Variants in CLHC1 observed in about 807,000 individuals in gnomAD.
The protein encoded by CLHC1 is clathrin heavy chain linker domain containing 1.
A neutral mutation model predicts 69.5 loss-of-function variants in CLHC1; 72 were observed. That is an observed-to-expected ratio of 1.04 (90% confidence interval 0.86 to 1.26). CLHC1 has a LOEUF of 1.26. Among genes scored for constraint, CLHC1 ranks in the 50% most tolerant of loss-of-function variants. CLHC1 has a pLI of 0.00. For synonymous variants in CLHC1, 223 were observed against 224.3 expected, an observed-to-expected ratio of 0.99 and a Z score of 0.05; for missense variants, 790 against 679.3, an observed-to-expected ratio of 1.16 and a Z score of -1.81.
Position 55,175,546 on chromosome 2 carries a change from A to G in CLHC1, c.*244T>C. The stretch of plus-strand genomic sequence containing the variant: ...AGATAAAAATGCCCTACACTGTTTC[A>G]CACAAAGTTATAATCTTGGATTTTA... On this transcript the variant is annotated 3_prime_UTR_variant, in exon 13 of 13. Transcript: ENST00000401408. The G allele has an allele frequency of 4.2e-6, 2 of 471,340 alleles. No individual in the cohort carries two copies. Among genetic ancestry groups the G allele is most frequent in the African/African-American group, 1.9e-5 (1 of 52,028 alleles). 29.2% of individuals were successfully genotyped at this position (471,340 alleles called of 1,614,324 possible).
chr2:55,216,501 G>C (rs1673521142), intron 4 of CLHC1, among the ~76,000 whole-genome samples: 1 of 151,786 alleles, frequency 6.6e-6, no homozygotes, highest in Non-Finnish European at 1.5e-5. Flanking sequence ...AAATTACCTG[G>C]AGCAATTACC....
chr2:55,222,537 C>T, intron 2 of CLHC1, 44 bp from the exon 3 acceptor site: 1 of 671,454 alleles, frequency 1.5e-6, no homozygotes, highest in East Asian at 2.9e-5. Context: ...AATTTTTTAA[C>T]TTAAGTCAAA....
chr2:55,214,854 G>A (rs1387021050), intron 4 of CLHC1: 1 of 152,162 alleles, frequency 6.6e-6, no homozygotes, highest in African/African-American at 2.4e-5. Context: ...TACATACAAT[G>A]GAGTATTATT....
chr2:55,223,447 GT>G (rs1198422047), intron 2 of CLHC1, among the ~76,000 whole-genome samples: 1 of 152,126 alleles, frequency 6.6e-6, no homozygotes, highest in Non-Finnish European at 1.5e-5. Flanking sequence ...CGAGCGCGCT[GT>G]GGGCCGGCCC....
chr2:55,179,761 C>G (rs942863916), intron 11 of CLHC1, among the ~76,000 whole-genome samples: 1 of 152,060 alleles, frequency 6.6e-6, no homozygotes, highest in Non-Finnish European at 1.5e-5. Context: ...CTCAGATTAC[C>G]GTTCAATTGT....
rs138584239 is a variant in CLHC1 at position 55,213,917 on chromosome 2, G to C, written c.366-1111C>G. On this transcript the variant is annotated intron_variant, in intron 4 of 12. Transcript: ENST00000401408. Reference sequence around the variant, plus strand: ...GTCAGTGGATGACAAATTACTAAAAGAAAACATCAGATGTGAGGAGAGATT... The same window carrying C: ...GTCAGTGGATGACAAATTACTAAAACAAAACATCAGATGTGAGGAGAGATT... Among the ~76,000 whole-genome samples the C allele has an allele frequency of 5.3e-5, 8 of 152,226 alleles. No homozygotes were observed. In the East Asian group the frequency reaches 1.5e-3, roughly 29 times the overall value.
chr2:55,195,756 A>G (rs1671352254), intron 9 of CLHC1, among the ~76,000 whole-genome samples: 1 of 152,144 alleles, frequency 6.6e-6, no homozygotes, highest in African/African-American at 2.4e-5. Flanking sequence ...GAGCCGTTGC[A>G]CCACTGCACT....
chr2:55,179,703 T>G (rs1441807784), intron 11 of CLHC1, among the ~76,000 whole-genome samples: 3 of 152,156 alleles, frequency 2.0e-5, no homozygotes, highest in African/African-American at 7.2e-5. Flanking sequence ...AGATCCAGAA[T>G]AAGAGCTCTG....
intron 9 of CLHC1, among the ~76,000 whole-genome samples, chr2:55,192,643 G>A (rs139828371): frequency 1.3e-3 from 201 of 152,074 alleles, no homozygotes; most frequent in African/African-American, 4.5e-3. Context: ...TAGAGCAATG[G>A]GATAGAACTG....
At chr2:55,209,303 T>C in intron 7 of CLHC1, 101 bp downstream of exon 7, 1 of 690,622 alleles carries the variant, frequency 1.4e-6, no homozygotes, top group Non-Finnish European at 2.5e-6. Flanking sequence ...AAGTATGATC[T>C]TGCTTTATTT....
At chr2:55,207,081 C>T in intron 8 of CLHC1, 1 of 152,506 alleles carries the variant, frequency 6.6e-6, no homozygotes, top group Non-Finnish European at 1.5e-5. Flanking sequence ...TGCCACTGCA[C>T]TCCAGCCTGG....
chr2:55,180,084 G>A (rs1160849726), intron 11 of CLHC1, among the ~76,000 whole-genome samples: 1 of 151,940 alleles, frequency 6.6e-6, no homozygotes, highest in Non-Finnish European at 1.5e-5. Flanking sequence ...AACCCAGGAG[G>A]CAGAGCTTGC....
At chr2:55,220,622 A>G (rs1454006469) in intron 3 of CLHC1, among the ~76,000 whole-genome samples, 1 of 152,206 alleles carries the variant, frequency 6.6e-6, no homozygotes, top group Admixed American at 6.5e-5. Flanking sequence ...AAATTTACCA[A>G]CAATACCTCC....
intron 9 of CLHC1, among the ~76,000 whole-genome samples, chr2:55,185,632 T>C (rs777113655): frequency 6.6e-6 from 1 of 152,210 alleles, no homozygotes; most frequent in East Asian, 1.9e-4. Flanking sequence ...TAATCAATTT[T>C]GTTGAATGAA....
intron 9 of CLHC1, among the ~76,000 whole-genome samples, chr2:55,197,886 A>T (rs1225361065): frequency 6.6e-6 from 1 of 152,202 alleles, no homozygotes; most frequent in Admixed American, 6.5e-5. Context: ...AGAAAGACAA[A>T]GATATGTAAC....
Position 55,222,428 on chromosome 2 carries a change from A to C in CLHC1, c.-17T>G. 1 of 1,606,398 alleles carries C rather than the reference A, an allele frequency of 6.2e-7. No individual in the cohort carries two copies. Among genetic ancestry groups the C allele is most frequent in the African/African-American group, 1.3e-5 (1 of 74,754 alleles). On this transcript the variant is annotated 5_prime_UTR_variant, in exon 3 of 13. Transcript: ENST00000401408. Reference sequence around the variant, plus strand: ...AACTGACATATTTGACAATCTGCACACTTGTTCACTGAAGAACAGCTAAAT... The same window carrying C: ...AACTGACATATTTGACAATCTGCACCCTTGTTCACTGAAGAACAGCTAAAT...
chr2:55,212,640 T>C (rs752602257), intron 5 of CLHC1, 33 bp downstream of exon 5: 1 of 1,538,590 alleles, frequency 6.5e-7, no homozygotes, highest in Non-Finnish European at 9.0e-7. Context: ...ATAATCAGGA[T>C]TTCTCTCAAA....
rs200921597 is a variant in CLHC1, at chr2:55,177,803, T to G, written c.1385-22A>C. 9.6e-6 allele frequency: 15 copies of G among 1,562,176 alleles called. No homozygotes were observed. In the Admixed American group the frequency reaches 1.6e-4, roughly 17 times the overall value. ...TCATCTGAAGGCAAAAATGAAAAAG[T>G]TTATCTCAATGTCCTAATATCATAA... On this transcript the variant is annotated intron_variant, in intron 11 of 12. Coordinates refer to ENST00000401408, the MANE Select transcript of CLHC1 (RefSeq NM_152385.4).
At chr2:55,223,594 CG>C (rs1485116296) in intron 2 of CLHC1, among the ~76,000 whole-genome samples, 1 of 151,434 alleles carries the variant, frequency 6.6e-6, no homozygotes, top group Non-Finnish European at 1.5e-5. Flanking sequence ...GTGTCGGCCT[CG>C]GGGGACGGTT....
Sources: allele counts gnomAD v4.1 joint callset (sites outside exome capture counted in the v4.1 genomes callset), GRCh38; gene constraint gnomAD v4.1.1; transcripts MANE v1.5; gene names NCBI Gene and HGNC (gene_info 2026-07-23, HGNC 2026-07-21).